The following PTPRG variants were observed in gnomAD, a reference collection of about 807,000 sequenced individuals.
PTPRG encodes the protein receptor-type tyrosine-protein phosphatase gamma.
In PTPRG, 102 loss-of-function variants were observed where a neutral mutation model predicts 165.3. The observed-to-expected ratio is 0.62, with a 90% CI of 0.53 to 0.73. The LOEUF is 0.73. Ranked by LOEUF, PTPRG falls within the 30% of genes least tolerant of loss-of-function variation. The pLI, the probability that PTPRG is intolerant of heterozygous loss-of-function variation, is 0.00. For synonymous variants in PTPRG, 675 were observed against 669.5 expected (o/e 1.01, Z -0.13); for missense variants, 1,866 against 1,861.4 (o/e 1.00, Z -0.05).
At chr3:62,278,686 T>C (rs1441269642) in intron 26 of PTPRG, among the ~76,000 whole-genome samples, 1 of 152,050 alleles carries the variant, frequency 6.6e-6, no homozygotes, top group Non-Finnish European at 1.5e-5. Context: ...CTTCTTCACT[T>C]TGTCGCATTT....
intron 1 of PTPRG, among the ~76,000 whole-genome samples, chr3:61,595,808 A>T (rs1429588539): frequency 6.6e-6 from 1 of 152,244 alleles, no homozygotes; most frequent in African/African-American, 2.4e-5. Context: ...AAAAGATTAG[A>T]TAATTTATAT....
intron 4 of PTPRG, among the ~76,000 whole-genome samples, chr3:62,068,385 T>G (rs1183772427): frequency 2.6e-5 from 4 of 152,148 alleles, no homozygotes; most frequent in Admixed American, 2.6e-4. Flanking sequence ...GTAAGTTCAA[T>G]CTGACCATAC....
intron 5 of PTPRG, among the ~76,000 whole-genome samples, chr3:62,105,613 A>T (rs546647474): frequency 6.6e-6 from 1 of 152,154 alleles, no homozygotes; most frequent in African/African-American, 2.4e-5. Flanking sequence ...TCTGGAGGAG[A>T]GGCTGATGGA....
intron 2 of PTPRG, among the ~76,000 whole-genome samples, chr3:61,759,158 C>A (rs71296738): frequency 6.6e-6 from 1 of 152,094 alleles, no homozygotes; most frequent in South Asian, 2.1e-4. Flanking sequence ...TGGTTATCTT[C>A]TTGGTTGTCT....
chr3:61,601,767 A>G (rs904107789), intron 1 of PTPRG, among the ~76,000 whole-genome samples: 39 of 152,236 alleles, frequency 2.6e-4, no homozygotes, highest in Non-Finnish European at 5.9e-5. Context: ...GACATGTGTC[A>G]GTAAAAAGGA....
intron 29 of PTPRG, 181 bp downstream of exon 29, chr3:62,292,737 G>A: frequency 1.5e-6 from 1 of 652,366 alleles, no homozygotes; most frequent in South Asian, 2.0e-5. Context: ...ACAAGCCAGA[G>A]ATGCTGCTAA....
At chr3:61,680,399 G>A (rs1405135551) in intron 1 of PTPRG, among the ~76,000 whole-genome samples, 1 of 151,132 alleles carries the variant, frequency 6.6e-6, no homozygotes, top group Non-Finnish European at 1.5e-5. Context: ...TCCTACTCTT[G>A]CCCAGGCTGA....
intron 2 of PTPRG, among the ~76,000 whole-genome samples, chr3:61,952,408 T>A (rs1371741222): frequency 6.6e-6 from 1 of 152,172 alleles, no homozygotes; most frequent in Non-Finnish European, 1.5e-5. Context: ...CTGTCATTCA[T>A]TAAATTCATT....
intron 12 of PTPRG, among the ~76,000 whole-genome samples, chr3:62,215,816 T>C (rs1463435389): frequency 6.6e-6 from 1 of 152,130 alleles, no homozygotes; most frequent in African/African-American, 2.4e-5. Context: ...CCCCTGTGGC[T>C]TGAGGGACGA....
At chr3:61,743,877 C>T (rs1043382288) in intron 1 of PTPRG, among the ~76,000 whole-genome samples, 1 of 152,130 alleles carries the variant, frequency 6.6e-6, no homozygotes, top group African/African-American at 2.4e-5. Flanking sequence ...AATTAAGTTG[C>T]TGACATAAGC....
At chr3:61,966,120 C>T (rs1368838097) in intron 2 of PTPRG, among the ~76,000 whole-genome samples, 2 of 152,182 alleles carry the variant, frequency 1.3e-5, no homozygotes, top group Non-Finnish European at 2.9e-5. Context: ...ACTTGCATGT[C>T]AACAAGGTCT....
intron 2 of PTPRG, among the ~76,000 whole-genome samples, chr3:61,782,701 G>A (rs530915970): frequency 2.6e-5 from 4 of 152,298 alleles, no homozygotes; most frequent in Non-Finnish European, 4.4e-5. Flanking sequence ...TTGACCTGGC[G>A]CATTTTAGAA....
chr3:62,098,404 C>T (rs905589979), intron 5 of PTPRG, among the ~76,000 whole-genome samples: 42 of 152,108 alleles, frequency 2.8e-4, no homozygotes, highest in African/African-American at 9.9e-4. Flanking sequence ...GGAAATACTA[C>T]ACCATTTTAT....
intron 2 of PTPRG, among the ~76,000 whole-genome samples, chr3:61,755,187 T>C (rs1233806132): frequency 6.6e-6 from 1 of 152,160 alleles, no homozygotes; most frequent in Non-Finnish European, 1.5e-5. Flanking sequence ...TTTGTATTTT[T>C]AGTAGAGTTG....
Position 61,894,281 on chromosome 3 carries a change from A to G in PTPRG, c.191-95344A>G, listed in dbSNP as rs144786734. ...TGTGCCACTTCACTCCAGCCCGGGC[A>G]ACAGAGCAAGACTCTGTGTCAAAAA... On this transcript the variant is annotated intron_variant, in intron 2 of 29. Transcript: ENST00000474889. 7.6e-3 allele frequency among the ~76,000 whole-genome samples: 932 copies of G among 122,522 alleles called. 10 individuals are homozygous for G. The highest frequency in any genetic ancestry group is 0.026 in the African/African-American group (849 of 32,984). 80.4% of individuals were successfully genotyped at this position (122,522 alleles called of 152,430 possible).
intron 2 of PTPRG, among the ~76,000 whole-genome samples, chr3:61,946,762 C>G (rs2039768811): frequency 6.6e-6 from 1 of 152,220 alleles, no homozygotes. Flanking sequence ...TTGAAGACAT[C>G]TGTTTACTTT....
chr3:61,617,254 G>C (rs1406953599), intron 1 of PTPRG, among the ~76,000 whole-genome samples: 1 of 152,172 alleles, frequency 6.6e-6, no homozygotes, highest in East Asian at 1.9e-4. Flanking sequence ...CTACTATAGA[G>C]AGGTCAACTT....
chr3:62,029,041 A>T (rs554929077), intron 4 of PTPRG, among the ~76,000 whole-genome samples: 1 of 152,178 alleles, frequency 6.6e-6, no homozygotes, highest in Non-Finnish European at 1.5e-5. Context: ...CACAACATAC[A>T]TGGCAGACAT....
chr3:61,878,244 A>G (rs761620223), intron 2 of PTPRG, among the ~76,000 whole-genome samples: 3 of 152,172 alleles, frequency 2.0e-5, no homozygotes, highest in African/African-American at 7.2e-5. Flanking sequence ...GTTCTGAGTG[A>G]TAGGTCCATT....
Sources: gnomAD v4.1 joint callset for allele counts (sites outside exome capture counted in the v4.1 genomes callset) on GRCh38, gnomAD v4.1.1 for gene constraint, MANE v1.5 for transcripts, NCBI Gene and HGNC (gene_info 2026-07-23, HGNC 2026-07-21) for gene names.